The following DYNC2H1 variants were observed in gnomAD, a reference collection of about 807,000 sequenced individuals.
DYNC2H1 encodes dynein cytoplasmic 2 heavy chain 1, also known as cytoplasmic dynein 2 heavy chain 1.
In DYNC2H1, 410 loss-of-function variants were observed where a neutral mutation model predicts 570.0. That is an observed-to-expected ratio of 0.72 (90% CI 0.66 to 0.78). DYNC2H1 has a LOEUF of 0.78. Ranked by LOEUF, DYNC2H1 falls within the 30% of genes least tolerant of loss-of-function variation. The pLI is 0.00. For synonymous variants in DYNC2H1, 1,688 were observed against 1,677.6 expected (o/e 1.01, Z -0.15); for missense variants, 4,865 against 5,046.4 (o/e 0.96, Z 1.09).
At chr11:103,184,325 C>T (rs17374380) in intron 40 of DYNC2H1, among the ~76,000 whole-genome samples, 13,492 of 151,956 alleles carry the variant, frequency 0.089, 784 homozygotes, top group Non-Finnish European at 0.12. Context: ...ATGATTGGTT[C>T]TCCGTAAATA....
intron 84 of DYNC2H1, among the ~76,000 whole-genome samples, chr11:103,416,484 A>C (rs918201914): frequency 1.2e-4 from 18 of 152,210 alleles, no homozygotes; most frequent in Admixed American, 2.6e-4. Context: ...GGAACAGAAC[A>C]GAGACCTCAA....
chr11:103,286,451 T>C (rs1316171062), intron 74 of DYNC2H1, 65 bp downstream of exon 74: 2 of 1,561,282 alleles, frequency 1.3e-6, no homozygotes, highest in Non-Finnish European at 1.7e-6. Flanking sequence ...TCAGAAGCCA[T>C]TTAAAGGAAA....
intron 88 of DYNC2H1, among the ~76,000 whole-genome samples, chr11:103,475,003 G>T (rs1180078839): frequency 6.6e-6 from 1 of 152,134 alleles, no homozygotes; most frequent in Non-Finnish European, 1.5e-5. Flanking sequence ...GAGACATTCA[G>T]GCTTTTCTTG....
intron 1 of DYNC2H1, 91 bp from the exon 2 acceptor site, chr11:103,113,444 AAG>A: frequency 1.0e-6 from 1 of 959,976 alleles, no homozygotes; most frequent in East Asian, 3.2e-5. Context: ...ATTTTTTTCC[AAG>A]AGGTATAATT....
intron 75 of DYNC2H1, among the ~76,000 whole-genome samples, chr11:103,298,176 C>G (rs1866911269): frequency 6.6e-6 from 1 of 152,112 alleles, no homozygotes; most frequent in African/African-American, 2.4e-5. Context: ...ACTCTTGACC[C>G]TTGCTCAGTT....
rs1388399593 is a variant in DYNC2H1 at position 103,257,683 on chromosome 11, A to G, written c.10537A>G (p.Asn3513Asp). Reference protein sequence around the residue: ...YFIISDLSKINNMYRFSLAAF... With the variant: ...YFIISDLSKIDNMYRFSLAAF... ...CATTATTTCTGATTTGTCCAAAATT[A>G]ATAACATGTACCGTTTTAGTTTGGC... The change falls in exon 69 of 89, where the codon AAT (asparagine) becomes GAT (aspartate). Residue 3513 changes from asparagine to aspartate, a missense_variant. Asn to Asp is a conservative substitution (Grantham distance 23). Transcript: ENST00000375735. 1 of 1,612,934 alleles carries G rather than the reference A, an allele frequency of 6.2e-7. No homozygotes were observed. The highest frequency in any genetic ancestry group is 8.5e-7 in the Non-Finnish European group (1 of 1,179,360).
chr11:103,453,641 T>TATATATATATATATAC (rs1273661728), intron 85 of DYNC2H1, among the ~76,000 whole-genome samples: 10 of 93,214 alleles, frequency 1.1e-4, no homozygotes, highest in African/African-American at 3.8e-4. Flanking sequence ...TATATATATA[T>TATATATATATATATAC]ACACACATTC....
chr11:103,225,392 A>T (rs551396508), intron 59 of DYNC2H1, among the ~76,000 whole-genome samples: 1 of 152,202 alleles, frequency 6.6e-6, no homozygotes, highest in African/African-American at 2.4e-5. Flanking sequence ...CAGGTCTTAG[A>T]TTTAAGTCTA....
At chr11:103,182,853 A>G (rs541757895) in intron 40 of DYNC2H1, among the ~76,000 whole-genome samples, 59 of 152,026 alleles carry the variant, frequency 3.9e-4, no homozygotes, top group Middle Eastern at 3.4e-3. Context: ...AGAAATGAAG[A>G]TTTGTTTTCG....
intron 12 of DYNC2H1, among the ~76,000 whole-genome samples, chr11:103,128,445 G>A (rs1859101856): frequency 6.6e-6 from 1 of 152,168 alleles, no homozygotes; most frequent in South Asian, 2.1e-4. Flanking sequence ...TATTTTGAGA[G>A]TATAGGCAAT....
At chr11:103,233,994 A>G (rs1864124280) in intron 60 of DYNC2H1, 40 bp from the exon 61 acceptor site, 1 of 1,536,820 alleles carries the variant, frequency 6.5e-7, no homozygotes, top group Non-Finnish European at 8.8e-7. Context: ...ATCTCTCCCA[A>G]ATCCTTTTTG....
chr11:103,132,136 A>G (rs1565325802), intron 13 of DYNC2H1, among the ~76,000 whole-genome samples: 2 of 151,866 alleles, frequency 1.3e-5, no homozygotes, highest in Non-Finnish European at 2.9e-5. Flanking sequence ...AAGCTAATAT[A>G]TATATATTAA....
chr11:103,241,632 G>A lies in DYNC2H1; in HGVS notation c.9820-2061G>A. The A allele has an allele frequency of 2.6e-6, 3 of 1,170,456 alleles. No homozygotes were observed. The highest frequency in any genetic ancestry group is 3.6e-6 in the Non-Finnish European group (3 of 825,686). The allele number at this position is 1,170,456 out of a possible 1,614,324, so 72.5% of individuals were successfully genotyped here. On this transcript the variant is annotated intron_variant, in intron 63 of 88. Coordinates refer to ENST00000375735, the MANE Select transcript of DYNC2H1 (RefSeq NM_001377.3). This position sits in a 1 kb window ranked among gnomAD's most constrained non-coding sequence, Gnocchi z 5.1. The stretch of plus-strand genomic sequence containing the variant: ...GTGAAATGTGTGCTATTGAATGCTA[G>A]CATAAAATTAGATCAAAAACCTAGG...
intron 84 of DYNC2H1, among the ~76,000 whole-genome samples, chr11:103,409,078 G>A (rs1942982268): frequency 6.6e-6 from 1 of 152,052 alleles, no homozygotes; most frequent in African/African-American, 2.4e-5. Context: ...TACCACAGCT[G>A]TTGAACATAT....
intron 87 of DYNC2H1, among the ~76,000 whole-genome samples, chr11:103,459,937 C>A (rs1448324320): frequency 1.6e-5 from 2 of 125,042 alleles, no homozygotes; most frequent in Non-Finnish European, 3.1e-5. Context: ...CCGGCCTGGG[C>A]GACAGAGCGA....
At chr11:103,196,562 G>A (rs1455784412) in intron 47 of DYNC2H1, among the ~76,000 whole-genome samples, 1 of 152,044 alleles carries the variant, frequency 6.6e-6, no homozygotes, top group Non-Finnish European at 1.5e-5. Context: ...TGAGTTTTTG[G>A]TATATAAATT....
In DYNC2H1 at chr11:103,283,066, G is replaced by A; in HGVS notation, c.10871G>A (p.Trp3624Ter). ...LPSWIDQERS[W>*]AVATLKIALP... is the part of the protein sequence containing the mutation. The stretch of plus-strand genomic sequence containing the variant: ...TCTTGGATAGATCAGGAACGAAGCT[G>A]GGCCGTGGCAACATTAAAGGTATTC... The change falls in exon 73 of 89, where the codon TGG becomes TAG. Residue 3624 changes from tryptophan to a stop codon, truncating the protein, a stop_gained. Transcript: ENST00000375735. LOFTEE classifies it high-confidence loss of function. The A allele has an allele frequency of 6.2e-7, 1 of 1,607,582 alleles. No individual in the cohort carries two copies. The highest frequency in any genetic ancestry group is 8.5e-7 in the Non-Finnish European group (1 of 1,176,250).
chr11:103,377,832 G>A (rs2243970), intron 83 of DYNC2H1, among the ~76,000 whole-genome samples: 49,795 of 152,088 alleles, frequency 0.33, 9,954 homozygotes, highest in Non-Finnish European at 0.44. Context: ...CACCTCCCAG[G>A]TTCAAGCAAT....
At position 103,245,501 on chromosome 11, in the gene DYNC2H1, G is replaced by T; in HGVS notation, c.10042+127G>T. ...ACACATGATGGGCTTACTTCCTTCA[G>T]CAATATGTGTAAAGTTGTGACAATA... On this transcript the variant is annotated intron_variant, in intron 65 of 88. Coordinates refer to ENST00000375735, the MANE Select transcript of DYNC2H1 (RefSeq NM_001377.3). The surrounding 1 kb of genome is among the most constrained non-coding windows in gnomAD (Gnocchi z 4.5). 2 of 905,130 alleles carry T rather than the reference G, an allele frequency of 2.2e-6. No individual in the cohort carries two copies. The allele number at this position is 905,130 out of a possible 1,614,324, so 56.1% of individuals were successfully genotyped here.
Sources: gnomAD v4.1 joint callset for allele counts (sites outside exome capture counted in the v4.1 genomes callset) on GRCh38, gnomAD v4.1.1 for gene constraint, Gnocchi (gnomAD v3.1) non-coding constraint, MANE v1.5 for transcripts, NCBI Gene and HGNC (gene_info 2026-07-23, HGNC 2026-07-21) for gene names.